CTTN: variants seen among roughly 807,000 people sequenced by gnomAD.
The protein encoded by CTTN is cortactin, also known as src substrate cortactin.
Under a neutral mutation model 84.0 loss-of-function variants are expected in CTTN, and 28 were observed. The ratio of observed to expected loss-of-function variants is 0.33; its 90% CI spans 0.25 to 0.46. CTTN has a LOEUF of 0.46. CTTN is among the 20% of genes least tolerant of loss of function. The probability of loss-of-function intolerance (pLI) is 1.00; values close to 1 mark genes in which losing one functional copy is unlikely to be tolerated. For missense variants in CTTN, 641 were observed against 723.8 expected (o/e 0.89, Z 1.31); for synonymous variants, 301 against 288.8 (o/e 1.04, Z -0.43).
At chr11:70,422,294 G>T in intron 11 of CTTN, 1 of 357,658 alleles carries the variant, frequency 2.8e-6, no homozygotes, top group Non-Finnish European at 5.6e-6. Context: ...AAGACTCTAG[G>T]CTTTCCACCT....
chr11:70,432,723 G>T (rs550677984), intron 15 of CTTN, among the ~76,000 whole-genome samples: 35 of 152,362 alleles, frequency 2.3e-4, no homozygotes, highest in South Asian at 4.1e-4. Context: ...CGGCCCAAGG[G>T]TGCCTTGTGT....
chr11:70,436,509 CTG>C lies in CTTN; in HGVS notation c.*1349_*1350del, dbSNP rs772594756. On this transcript the variant is annotated 3_prime_UTR_variant, in exon 18 of 18. Transcript: ENST00000301843. ...TATGCAACTTATTGTATCTGAATTCCTGTAGCACACCTCATAGGTATGATTTT... is the reference window on the plus strand; with the variant it reads ...TATGCAACTTATTGTATCTGAATTCCTAGCACACCTCATAGGTATGATTTT... 14 of 956,788 alleles carry C rather than the reference CTG, an allele frequency of 1.5e-5. No homozygotes were observed. Among genetic ancestry groups the C allele is most frequent in the Non-Finnish European group, 2.2e-5 (14 of 627,012 alleles). 59.3% of individuals were successfully genotyped at this position (956,788 alleles called of 1,614,324 possible).
chr11:70,435,459 G>T lies in CTTN; in HGVS notation c.*297G>T, dbSNP rs754679851. 6.6e-7 allele frequency: 1 copy of T among 1,525,438 alleles called. No individual in the cohort carries two copies. The highest frequency in any genetic ancestry group is 8.7e-7 in the Non-Finnish European group (1 of 1,146,796). The allele number at this position is 1,525,438 out of a possible 1,614,324, so 94.5% of individuals were successfully genotyped here. On this transcript the variant is annotated 3_prime_UTR_variant, in exon 18 of 18. Transcript: ENST00000301843. ...TCTTTTTTGCCAAATTGACTGTCAC[G>T]CGGCAGCTTCAGGGAGCTCGCATTC...
At chr11:70,408,284 ACTGTC>A (rs2058065218) in intron 4 of CTTN, 1 of 152,278 alleles carries the variant, frequency 6.6e-6, no homozygotes, top group African/African-American at 2.4e-5. Context: ...TCCCGGGAAG[ACTGTC>A]CCGCTTGACC....
chr11:70,429,079 T>G lies in CTTN; in HGVS notation c.1056T>G (p.Ala352=). Residue 352 remains alanine, a synonymous_variant, in exon 14 of 18, where the codon GCT becomes GCG. Coordinates refer to ENST00000301843, the MANE Select transcript of CTTN (RefSeq NM_005231.4). The part of the protein sequence containing the change: ...AVTSKTSNIR[A]NFENLAKEKE... Reference sequence around the variant, plus strand: ...CCAGCAAAACAAGTAACATCAGAGCTAACTTTGAAAACCTCGCTAAGGAGA... The same window carrying G: ...CCAGCAAAACAAGTAACATCAGAGCGAACTTTGAAAACCTCGCTAAGGAGA... 4 of 1,614,166 alleles carry G rather than the reference T, an allele frequency of 2.5e-6. No individual in the cohort carries two copies. Among genetic ancestry groups the G allele is most frequent in the Non-Finnish European group, 3.4e-6 (4 of 1,180,046 alleles).
In CTTN at chr11:70,435,026, C is replaced by G; in HGVS notation, c.1517C>G (p.Ala506Gly). The G allele has an allele frequency of 1.2e-6, 2 of 1,613,788 alleles. No homozygotes were observed. Among genetic ancestry groups the G allele is most frequent in the Non-Finnish European group, 8.5e-7 (1 of 1,179,890 alleles). Residue 506 changes from alanine (A) to glycine (G), a missense_variant and splice_region_variant, in exon 18 of 18, where the codon GCG becomes GGG. Ala to Gly is a moderately conservative substitution (Grantham distance 60). Coordinates refer to ENST00000301843, the MANE Select transcript of CTTN (RefSeq NM_005231.4). ...TAVALYDYQA[A>G]GDDEISFDPD... ...TCTTTCTCTGTGTTCTCTTCCCCAGCGGGCGATGATGAGATCTCATTTGAC... is the reference window on the plus strand; with the variant it reads ...TCTTTCTCTGTGTTCTCTTCCCCAGGGGGCGATGATGAGATCTCATTTGAC...
intron 1 of CTTN, among the ~76,000 whole-genome samples, chr11:70,403,305 C>CAGCCTCTCA: frequency 6.7e-6 from 1 of 150,030 alleles, no homozygotes; most frequent in Admixed American, 6.7e-5. Flanking sequence ...TCTCCTGCTT[C>CAGCCTCTCA]AGCCTCCCAA....
Position 70,407,319 on chromosome 11 carries a change from C to T in CTTN, c.22C>T (p.His8Tyr), listed in dbSNP as rs1284607824. MWKASAG[H>Y]AVSIAQDDAG... is the part of the protein sequence containing the mutation. ...TCAGATGTGGAAAGCTTCAGCAGGC[C>T]ACGCTGTGTCCATCGCCCAGGATGA... Residue 8 changes from histidine to tyrosine, a missense_variant, in exon 3 of 18, where the codon CAC becomes TAC. By Grantham distance (83) the His-to-Tyr change is moderately conservative (BLOSUM62 2). Transcript: ENST00000301843. The T allele has an allele frequency of 6.4e-7, 1 of 1,552,980 alleles. No individual in the cohort carries two copies. The highest frequency in any genetic ancestry group is 1.2e-5 in the South Asian group (1 of 84,504).
intron 2 of CTTN, 96 bp from the exon 3 acceptor site, chr11:70,407,202 C>T: frequency 1.0e-6 from 1 of 969,754 alleles, no homozygotes; most frequent in Non-Finnish European, 1.6e-6. Context: ...TCCTGGGTTG[C>T]CTAGAATCTC....
chr11:70,417,492 T>C (rs554747839), intron 8 of CTTN, among the ~76,000 whole-genome samples: 1 of 151,508 alleles, frequency 6.6e-6, no homozygotes, highest in African/African-American at 2.4e-5. Context: ...GTGTGACCTG[T>C]AAATTTTTTT....
intron 1 of CTTN, among the ~76,000 whole-genome samples, chr11:70,404,973 GC>G (rs2058026079): frequency 6.6e-6 from 1 of 152,220 alleles, no homozygotes; most frequent in South Asian, 2.1e-4. Flanking sequence ...TTGCACTCCA[GC>G]CTGTGCAACA....
chr11:70,419,944 T>C (rs2058211146), intron 9 of CTTN, 88 bp downstream of exon 9: 4 of 961,958 alleles, frequency 4.2e-6, no homozygotes, highest in Admixed American at 2.5e-5. Flanking sequence ...CAAAGCGTTA[T>C]TGATAGCCCT....
intron 1 of CTTN, among the ~76,000 whole-genome samples, chr11:70,404,425 C>T (rs2058020588): frequency 6.6e-6 from 1 of 152,166 alleles, no homozygotes; most frequent in South Asian, 2.1e-4. Flanking sequence ...TGCGCGGTAA[C>T]CGTGTACGTT....
At chr11:70,420,846 C>T (rs2058227267) in intron 10 of CTTN, among the ~76,000 whole-genome samples, 1 of 151,340 alleles carries the variant, frequency 6.6e-6, no homozygotes, top group South Asian at 2.1e-4. Context: ...GGAGTGGGGG[C>T]ATGTGTCAGG....
chr11:70,422,592 G>A, intron 11 of CTTN: 1 of 1,318,594 alleles, frequency 7.6e-7, no homozygotes, highest in Non-Finnish European at 9.9e-7. Flanking sequence ...AGCCCGTGCT[G>A]GTGCGGAAGA....
At chr11:70,425,138 CTGCAAATGTGGTTGGTAAT>C in intron 12 of CTTN, among the ~76,000 whole-genome samples, 175 bp from the exon 13 acceptor site, 1 of 152,276 alleles carries the variant, frequency 6.6e-6, no homozygotes, top group East Asian at 1.9e-4. Context: ...CCACGATTGC[CTGCAAATGTGGTTGGTAAT>C]AGTTTTCATG....
At chr11:70,428,868 G>A (rs1814646069) in intron 13 of CTTN, among the ~76,000 whole-genome samples, 183 bp from the exon 14 acceptor site, 1 of 152,244 alleles carries the variant, frequency 6.6e-6, no homozygotes, top group Non-Finnish European at 1.5e-5. Context: ...GTGCCCTGCG[G>A]CAGGTGCCCA....
At chr11:70,426,971 A>G (rs2058307315) in intron 13 of CTTN, among the ~76,000 whole-genome samples, 1 of 151,328 alleles carries the variant, frequency 6.6e-6, no homozygotes, top group Non-Finnish European at 1.5e-5. Context: ...CCTGAGCTCA[A>G]GTGATCCACC....
At chr11:70,428,032 A>G (rs909389713) in intron 13 of CTTN, among the ~76,000 whole-genome samples, 3 of 152,030 alleles carry the variant, frequency 2.0e-5, no homozygotes, top group Admixed American at 6.6e-5. Context: ...TCAGGGAAAA[A>G]CGCTATTCCA....
Sources: gnomAD v4.1 joint callset for allele counts (sites outside exome capture counted in the v4.1 genomes callset) on GRCh38, gnomAD v4.1.1 for gene constraint, MANE v1.5 for transcripts, NCBI Gene and HGNC (gene_info 2026-07-23, HGNC 2026-07-21) for gene names.